KCNC4: variants seen among roughly 807,000 people sequenced by gnomAD.
KCNC4 encodes the protein voltage-gated potassium channel KCNC4.
Under a neutral mutation model 42.8 loss-of-function variants are expected in KCNC4, and 23 were observed. The ratio of observed to expected loss-of-function variants is 0.54; its 90% CI spans 0.39 to 0.76. KCNC4 has a LOEUF of 0.76. Among genes scored for constraint, KCNC4 ranks in the 30% least tolerant of loss-of-function variants. KCNC4 has a pLI of 0.00. For synonymous variants in KCNC4, 422 were observed against 393.5 expected, an observed-to-expected ratio of 1.07 and a Z score of -0.86; for missense variants, 751 against 898.2, an observed-to-expected ratio of 0.84 and a Z score of 2.10.
At chr1:110,270,780 C>T (rs1659620619) in intron 1 of KCNC4, among the ~76,000 whole-genome samples, 1 of 152,200 alleles carries the variant, frequency 6.6e-6, no homozygotes, top group Non-Finnish European at 1.5e-5. Flanking sequence ...GGTGAGCAGC[C>T]TATCAGGGCC....
exon 4 of KCNC4, chr1:110,246,760 TC>T: frequency 1.0e-5 from 1 of 99,178 alleles, no homozygotes; most frequent in Admixed American, 1.0e-4. Flanking sequence ...TCTTTCTTTT[TC>T]TTTTCTTTTT....
chr1:110,272,508 T>G (rs1481201470), intron 1 of KCNC4: 1 of 152,236 alleles, frequency 6.6e-6, no homozygotes, highest in Non-Finnish European at 1.5e-5. Context: ...AGGGCTTGGA[T>G]GGCTATGAAA....
At chr1:110,239,436 G>A (rs1004292737) in exon 4 of KCNC4, 6 of 152,066 alleles carry the variant, frequency 3.9e-5, no homozygotes, top group African/African-American at 7.2e-5. Context: ...ACACATCCAC[G>A]CCCCTCTGCC....
At chr1:110,214,138 T>G (rs927703144) in intron 1 of KCNC4, among the ~76,000 whole-genome samples, 3 of 152,200 alleles carry the variant, frequency 2.0e-5, no homozygotes, top group African/African-American at 7.2e-5. Flanking sequence ...GAACCCAGGG[T>G]GCTTTGCCCC....
intron 1 of KCNC4, among the ~76,000 whole-genome samples, chr1:110,213,760 C>T (rs1571022291): frequency 6.6e-6 from 1 of 152,350 alleles, no homozygotes; most frequent in East Asian, 1.9e-4. Flanking sequence ...ACAGACTTCT[C>T]ATGTAGGTCA....
At chr1:110,222,375 A>G (rs1658148113) in intron 1 of KCNC4, 1 of 154,364 alleles carries the variant, frequency 6.5e-6, no homozygotes, top group Non-Finnish European at 1.4e-5. Flanking sequence ...GGTTTGTTAA[A>G]ACATTGCTGG....
At chr1:110,218,603 G>A (rs2100999823) in intron 1 of KCNC4, among the ~76,000 whole-genome samples, 1 of 152,288 alleles carries the variant, frequency 6.6e-6, no homozygotes, top group South Asian at 2.1e-4. Context: ...GGCAAGGGTG[G>A]TTGTCTGGTA....
intron 1 of KCNC4, among the ~76,000 whole-genome samples, chr1:110,265,537 G>A (rs1659527527): frequency 6.6e-6 from 1 of 152,114 alleles, no homozygotes; most frequent in African/African-American, 2.4e-5. Flanking sequence ...CCTGTTCCCA[G>A]GCAACACTGA....
chr1:110,216,515 G>C (rs951490703), intron 1 of KCNC4, among the ~76,000 whole-genome samples: 1 of 152,194 alleles, frequency 6.6e-6, no homozygotes, highest in Non-Finnish European at 1.5e-5. Flanking sequence ...TGAACATCTT[G>C]TCTCTGAATG....
chr1:110,254,258 G>A (rs1257242052), intron 1 of KCNC4, among the ~76,000 whole-genome samples: 1 of 152,172 alleles, frequency 6.6e-6, no homozygotes, highest in Non-Finnish European at 1.5e-5. Flanking sequence ...ACAGCCTGCG[G>A]GATTTGGGTG....
At chr1:110,232,128 C>T (rs2101041305) in intron 3 of KCNC4, 1 of 1,227,070 alleles carries the variant, frequency 8.1e-7, no homozygotes, top group East Asian at 2.6e-5. Flanking sequence ...AGGTGGTAGA[C>T]ATCCCAGGCT....
rs201298871 is a variant in KCNC4 at position 110,223,494 on chromosome 1, G to A, written c.1209G>A (p.Glu403=). The change falls in exon 2 of 4, where the codon GAG becomes GAA. Residue 403 remains glutamate (E), a synonymous_variant. Coordinates refer to ENST00000438661, the MANE Select transcript of KCNC4 (RefSeq NM_001039574.3). This position sits in a 1 kb window ranked among gnomAD's most constrained non-coding sequence, Gnocchi z 7.5. ...TTGCCACCATGATCTACTACGCTGAGCGCATTGGGGCCAGGCCCTCCGACC... is the reference window on the plus strand; with the variant it reads ...TTGCCACCATGATCTACTACGCTGAACGCATTGGGGCCAGGCCCTCCGACC... ...LIFATMIYYA[E]RIGARPSDPR... The A allele has an allele frequency of 4.6e-5, 75 of 1,613,782 alleles. No homozygotes were observed. Among genetic ancestry groups the A allele is most frequent in the Middle Eastern group, 1.6e-4 (1 of 6,084 alleles).
At position 110,233,112 on chromosome 1, in the gene KCNC4, T is replaced by C; in HGVS notation, c.*140T>C. The C allele has an allele frequency of 8.9e-7, 1 of 1,119,728 alleles. No individual in the cohort carries two copies. Among genetic ancestry groups the C allele is most frequent in the Non-Finnish European group, 1.3e-6 (1 of 783,032 alleles). 69.4% of individuals were successfully genotyped at this position (1,119,728 alleles called of 1,614,324 possible). On this transcript the variant is annotated 3_prime_UTR_variant, in exon 4 of 4. Transcript: ENST00000438661. ...CACAGGACTGGTGGAAAATCTCCCA[T>C]GCGACCCTCGGGGCCCAGAGCCATC... is the stretch of plus-strand genomic sequence containing the variant.
intron 1 of KCNC4, among the ~76,000 whole-genome samples, chr1:110,267,380 T>G (rs1341139026): frequency 6.6e-6 from 1 of 152,156 alleles, no homozygotes; most frequent in African/African-American, 2.4e-5. Context: ...CTCAGTGCTG[T>G]GCTGCACACA....
At chr1:110,224,152 G>T (rs1006417153) in intron 2 of KCNC4, 43 of 489,600 alleles carry the variant, frequency 8.8e-5, no homozygotes, top group Non-Finnish European at 1.4e-4. Context: ...GGCAGTACAT[G>T]GGGCTGTATA....
chr1:110,223,930 C>T lies in KCNC4; in HGVS notation c.1615+30C>T. The T allele has an allele frequency of 1.3e-6, 2 of 1,533,340 alleles. No homozygotes were observed. Among genetic ancestry groups the T allele is most frequent in the Non-Finnish European group, 1.8e-6 (2 of 1,127,252 alleles). The allele number at this position is 1,533,340 out of a possible 1,614,324, so 95.0% of individuals were successfully genotyped here. A position where few individuals can be genotyped will look rare whatever the true frequency, so the allele number is the denominator to read the frequency against. On this transcript the variant is annotated intron_variant, in intron 2 of 3. Transcript: ENST00000438661. The surrounding 1 kb of genome is among the most constrained non-coding windows in gnomAD (Gnocchi z 7.5). Reference sequence around the variant, plus strand: ...GATTAGGGGTTGGGAAGGAAAATCCCTTTTCCCCCAGTGGCCTAGGGAGTT... The same window carrying T: ...GATTAGGGGTTGGGAAGGAAAATCCTTTTTCCCCCAGTGGCCTAGGGAGTT...
intron 3 of KCNC4, among the ~76,000 whole-genome samples, chr1:110,227,149 G>A (rs912771193): frequency 6.6e-6 from 1 of 152,138 alleles, no homozygotes; most frequent in Non-Finnish European, 1.5e-5. Context: ...TTCTTAACCA[G>A]CTGGATTTCC....
downstream of KCNC4, among the ~76,000 whole-genome samples, chr1:110,253,710 C>T (rs1482115737): frequency 1.3e-5 from 2 of 152,188 alleles, no homozygotes; most frequent in African/African-American, 4.8e-5. Context: ...TTATTTTCTC[C>T]ACTGTTCCTT....
chr1:110,230,745 C>A (rs1242646052), intron 3 of KCNC4, among the ~76,000 whole-genome samples: 1 of 152,184 alleles, frequency 6.6e-6, no homozygotes, highest in African/African-American at 2.4e-5. Flanking sequence ...AGATAGAACC[C>A]AGATAGCAGG....
Sources: allele counts gnomAD v4.1 joint callset (sites outside exome capture counted in the v4.1 genomes callset), GRCh38; gene constraint gnomAD v4.1.1; non-coding constraint Gnocchi (gnomAD v3.1); transcripts MANE v1.5; gene names NCBI Gene and HGNC (gene_info 2026-07-23, HGNC 2026-07-21).